SLC39A12: variants seen among roughly 807,000 people sequenced by gnomAD.
The protein encoded by SLC39A12 is solute carrier family 39 member 12.
Under a neutral mutation model 71.1 loss-of-function variants are expected in SLC39A12, and 63 were observed. That is an observed-to-expected ratio of 0.89 (90% CI 0.72 to 1.09). The LOEUF (loss-of-function observed/expected upper bound fraction) is 1.09, where lower values mean the gene tolerates loss of function less well. Ranked by LOEUF, SLC39A12 falls within the 50% of genes least tolerant of loss-of-function variation. SLC39A12 has a pLI of 0.00. For missense variants in SLC39A12, 892 were observed against 812.6 expected (o/e 1.10, Z -1.19); for synonymous variants, 351 against 301.3 (o/e 1.16, Z -1.71).
intron 2 of SLC39A12, 109 bp downstream of exon 2, chr10:17,953,646 T>C (rs1045466460): frequency 7.7e-6 from 10 of 1,294,872 alleles, no homozygotes; most frequent in East Asian, 5.0e-5. Context: ...TCTTCCAATA[T>C]GCAATTGAGC....
chr10:18,031,243 A>C (rs1391446093), intron 12 of SLC39A12, among the ~76,000 whole-genome samples: 1 of 145,546 alleles, frequency 6.9e-6, no homozygotes, highest in Non-Finnish European at 1.5e-5. Flanking sequence ...ACAATGGTTG[A>C]ACTAGTTTAC....
chr10:18,024,267 G>A (rs543256827), intron 12 of SLC39A12, among the ~76,000 whole-genome samples: 48 of 152,222 alleles, frequency 3.2e-4, no homozygotes, highest in African/African-American at 1.1e-3. Flanking sequence ...GTGCCATGGT[G>A]TTCAGGAATC....
chr10:17,993,712 G>A (rs1274034958), intron 9 of SLC39A12, among the ~76,000 whole-genome samples: 4 of 152,170 alleles, frequency 2.6e-5, no homozygotes, highest in African/African-American at 9.7e-5. Context: ...CATAATGCAG[G>A]AGATAACTGA....
intron 9 of SLC39A12, among the ~76,000 whole-genome samples, chr10:17,993,817 A>G (rs1163269533): frequency 6.6e-6 from 1 of 152,240 alleles, no homozygotes. Flanking sequence ...CACAATGTCC[A>G]ATCATGTTCA....
rs530935286 is a variant in SLC39A12 at position 17,993,587 on chromosome 10, A to T, written c.1533+296A>T. ...AATCCTTGTGTTTACAAGTTTTCAT[A>T]AACCAGTTGACCTTTGCCTTTGCAT... On this transcript the variant is annotated intron_variant, in intron 9 of 12. Transcript: ENST00000377369. Among the ~76,000 whole-genome samples, 5 of 152,308 alleles carry T rather than the reference A, an allele frequency of 3.3e-5. No individual in the cohort carries two copies. In the South Asian group the frequency reaches 1.0e-3, roughly 32 times the overall value.
At chr10:18,030,079 G>A (rs1287942972) in intron 12 of SLC39A12, among the ~76,000 whole-genome samples, 2 of 150,476 alleles carry the variant, frequency 1.3e-5, no homozygotes, top group Non-Finnish European at 3.0e-5. Context: ...GCCAAGTATT[G>A]TCAGAAAAGC....
intron 12 of SLC39A12, among the ~76,000 whole-genome samples, chr10:18,017,039 G>A (rs1249057867): frequency 6.6e-6 from 1 of 152,096 alleles, no homozygotes; most frequent in African/African-American, 2.4e-5. Flanking sequence ...AATTTTGGGA[G>A]TATATATTTA....
At chr10:17,961,064 T>A (rs1263832632) in intron 2 of SLC39A12, among the ~76,000 whole-genome samples, 1 of 152,018 alleles carries the variant, frequency 6.6e-6, no homozygotes, top group African/African-American at 2.4e-5. Flanking sequence ...TTTAGGAAGG[T>A]GTTGTGAGAG....
chr10:17,967,039 G>A (rs114574360), intron 4 of SLC39A12, among the ~76,000 whole-genome samples: 2,051 of 152,064 alleles, frequency 0.013, 38 homozygotes, highest in African/African-American at 0.043. Flanking sequence ...TATTGAATCA[G>A]GATCAAAATA....
intron 12 of SLC39A12, among the ~76,000 whole-genome samples, chr10:18,036,582 G>T (rs1353472101): frequency 6.6e-6 from 1 of 151,608 alleles, no homozygotes; most frequent in South Asian, 2.1e-4. Context: ...CAGTACCTCA[G>T]GTGGAAATGC....
chr10:18,003,408 A>G (rs779884408), intron 12 of SLC39A12, 50 bp downstream of exon 12: 74 of 1,503,366 alleles, frequency 4.9e-5, no homozygotes, highest in Non-Finnish European at 6.5e-5. Context: ...TGAAAATGTA[A>G]AACAGAGAAA....
rs151288949 is a variant in SLC39A12, at chr10:18,012,728, G to A, written c.1947+9370G>A. On this transcript the variant is annotated intron_variant, in intron 12 of 12. Transcript: ENST00000377369. ...CTAAAAATACAAAAATTAGCCCGGCGTGGTGGCGCACACCTGTAGTCCAGC... is the reference window on the plus strand; with the variant it reads ...CTAAAAATACAAAAATTAGCCCGGCATGGTGGCGCACACCTGTAGTCCAGC... Among the ~76,000 whole-genome samples, 1,506 of 152,100 alleles carry A rather than the reference G, an allele frequency of 9.9e-3. 21 individuals carry two copies. Among genetic ancestry groups the A allele is most frequent in the Middle Eastern group, 0.014 (4 of 294 alleles).
At chr10:17,972,646 A>T (rs1289845217) in intron 4 of SLC39A12, among the ~76,000 whole-genome samples, 1 of 152,120 alleles carries the variant, frequency 6.6e-6, no homozygotes, top group Admixed American at 6.6e-5. Context: ...ATATAAGGAT[A>T]GTGACTCCTG....
At chr10:17,983,016 C>T (rs1208776197) in intron 6 of SLC39A12, among the ~76,000 whole-genome samples, 6 of 151,234 alleles carry the variant, frequency 4.0e-5, no homozygotes, top group Non-Finnish European at 7.4e-5. Flanking sequence ...CAGTGAAACC[C>T]CGTCTCTACT....
chr10:17,953,560 A>T (rs781891776), intron 2 of SLC39A12, 23 bp downstream of exon 2: 26 of 1,612,098 alleles, frequency 1.6e-5, no homozygotes, highest in Admixed American at 3.3e-5. Context: ...GAATGGGGTC[A>T]GGTATCAGGG....
intron 11 of SLC39A12, chr10:18,001,984 C>T (rs1178720892): frequency 6.6e-6 from 1 of 150,590 alleles, no homozygotes; most frequent in Non-Finnish European, 1.5e-5. Flanking sequence ...CCTTCCCCTA[C>T]CACCCCACTA....
chr10:17,969,333 G>A (rs1251158351), intron 4 of SLC39A12, among the ~76,000 whole-genome samples: 1 of 152,116 alleles, frequency 6.6e-6, no homozygotes, highest in Admixed American at 6.6e-5. Flanking sequence ...TCATATGGTA[G>A]CTCAATTTTT....
chr10:17,991,472 A>G (rs1215357952), intron 8 of SLC39A12, among the ~76,000 whole-genome samples, 169 bp downstream of exon 8: 1 of 152,194 alleles, frequency 6.6e-6, no homozygotes, highest in East Asian at 1.9e-4. Flanking sequence ...TTAATTTTTT[A>G]AAATATCTAT....
intron 5 of SLC39A12, among the ~76,000 whole-genome samples, chr10:17,979,905 G>C (rs1254674778): frequency 6.6e-6 from 1 of 152,180 alleles, no homozygotes; most frequent in Non-Finnish European, 1.5e-5. Context: ...GGAGTGAAAA[G>C]TCACTTTAGA....
Sources: allele counts gnomAD v4.1 joint callset (sites outside exome capture counted in the v4.1 genomes callset), GRCh38; gene constraint gnomAD v4.1.1; transcripts MANE v1.5; gene names NCBI Gene and HGNC (gene_info 2026-07-23, HGNC 2026-07-21).